The following SLC40A1 variants were observed in gnomAD, a reference collection of about 807,000 sequenced individuals.
The protein encoded by SLC40A1 is ferroportin.
SLC40A1 carries 16 observed loss-of-function variants against 53.5 expected under a neutral mutation model. That is an observed-to-expected ratio of 0.30 (90% CI 0.20 to 0.45). The LOEUF is 0.45. SLC40A1 is among the 20% of genes least tolerant of loss of function. The pLI is 1.00. For synonymous variants in SLC40A1, 247 were observed against 253.2 expected (o/e 0.98, Z 0.23); for missense variants, 545 against 695.4 (o/e 0.78, Z 2.43).
chr2:189,578,144 G>A, intron 2 of SLC40A1: 1 of 905,730 alleles, frequency 1.1e-6, no homozygotes, highest in East Asian at 1.2e-4. Flanking sequence ...ACATAATACA[G>A]AAACATAAAT....
intron 7 of SLC40A1, among the ~76,000 whole-genome samples, chr2:189,563,299 A>C (rs1296187309): frequency 2.6e-5 from 4 of 151,672 alleles, no homozygotes; most frequent in Non-Finnish European, 5.9e-5. Flanking sequence ...CAAAAAAAAA[A>C]ACAAGTAATA....
chr2:189,566,024 ATGTGTGTGTGTGTGTGCGTG>A (rs1051240349), intron 5 of SLC40A1, among the ~76,000 whole-genome samples: 2 of 151,316 alleles, frequency 1.3e-5, no homozygotes, highest in Non-Finnish European at 1.5e-5. Flanking sequence ...CAACAAGCAT[ATGTGTGTGTGTGTGTGCGTG>A]TGTGTGTGTG....
At chr2:189,574,329 A>G (rs1279984694) in intron 3 of SLC40A1, among the ~76,000 whole-genome samples, 5 of 152,192 alleles carry the variant, frequency 3.3e-5, no homozygotes, top group Non-Finnish European at 5.9e-5. Flanking sequence ...TGGTCTACTC[A>G]TTCTAAAAAC....
chr2:189,579,187 T>C (rs2031382635), intron 2 of SLC40A1, among the ~76,000 whole-genome samples: 1 of 152,216 alleles, frequency 6.6e-6, no homozygotes, highest in Non-Finnish European at 1.5e-5. Flanking sequence ...GAGGGAAAAC[T>C]GTAAATCCAT....
intron 5 of SLC40A1, 65 bp from the exon 6 acceptor site, chr2:189,565,664 C>T (rs2030918129): frequency 8.1e-6 from 13 of 1,600,430 alleles, no homozygotes; most frequent in African/African-American, 1.3e-5. Flanking sequence ...TGCCCATTTA[C>T]ACAATACAAA....
rs572511371 is a variant in SLC40A1, at chr2:189,579,246, A to T, written c.111+567T>A. On this transcript the variant is annotated intron_variant, in intron 2 of 7. Coordinates refer to ENST00000261024, the MANE Select transcript of SLC40A1 (RefSeq NM_014585.6). ...ATTTTAAGATAGCCTCCACTGCCCC[A>T]AACTTTATCTAACTATAGATAACAT... Among the ~76,000 whole-genome samples, 5 of 152,310 alleles carry T rather than the reference A, an allele frequency of 3.3e-5. No individual in the cohort carries two copies. In the South Asian group the frequency reaches 1.0e-3, roughly 32 times the overall value.
Position 189,561,828 on chromosome 2 carries a change from C to T in SLC40A1, c.*50G>A, listed in dbSNP as rs201805867. 7.2e-4 allele frequency: 1,062 copies of T among 1,471,416 alleles called. 1 individual carries two copies. Among genetic ancestry groups the T allele is most frequent in the Non-Finnish European group, 8.8e-4 (924 of 1,051,322 alleles). 91.1% of individuals were successfully genotyped at this position (1,471,416 alleles called of 1,614,324 possible). On this transcript the variant is annotated 3_prime_UTR_variant, in exon 8 of 8. Coordinates refer to ENST00000261024, the MANE Select transcript of SLC40A1 (RefSeq NM_014585.6). Reference sequence around the variant, plus strand: ...TTGGAATTCTGCAGTACAAAATAAGCACATGTGCTCTATATAATCTAGTAA... The same window carrying T: ...TTGGAATTCTGCAGTACAAAATAAGTACATGTGCTCTATATAATCTAGTAA...
At chr2:189,572,555 A>G (rs1022212415) in intron 4 of SLC40A1, 4 of 465,136 alleles carry the variant, frequency 8.6e-6, no homozygotes, top group South Asian at 4.8e-5. Context: ...TAGCACAAAC[A>G]AAGTATAGGT....
intron 6 of SLC40A1, 99 bp downstream of exon 6, chr2:189,565,255 G>T: frequency 6.8e-7 from 1 of 1,473,352 alleles, no homozygotes; most frequent in Non-Finnish European, 9.4e-7. Context: ...GCCCCCACTG[G>T]TAATAAAACC....
chr2:189,578,747 T>TATTTA (rs963216862), intron 2 of SLC40A1, among the ~76,000 whole-genome samples: 1 of 152,178 alleles, frequency 6.6e-6, no homozygotes, highest in Non-Finnish European at 1.5e-5. Context: ...ATTTGCAGAG[T>TATTTA]CACCCCTGTG....
intron 2 of SLC40A1, among the ~76,000 whole-genome samples, chr2:189,577,161 G>A (rs1170043140): frequency 6.6e-6 from 1 of 152,092 alleles, no homozygotes; most frequent in Non-Finnish European, 1.5e-5. Context: ...TACCCCCACG[G>A]GACTGAGAGC....
chr2:189,579,851 T>C lies in SLC40A1; in HGVS notation c.73A>G (p.Lys25Glu). 6.2e-7 allele frequency: 1 copy of C among 1,614,174 alleles called. No homozygotes were observed. The highest frequency in any genetic ancestry group is 8.5e-7 in the Non-Finnish European group (1 of 1,180,040). The change falls in exon 2 of 8, where the codon AAA (lysine) becomes GAA (glutamate). Residue 25 changes from lysine to glutamate, a missense_variant. This residue lies in a region of SLC40A1 where 197 missense variants were observed against 278.8 expected (regional missense o/e 0.71). Transcript: ENST00000261024. ...GSLADYLTSA[K>E]FLLYLGHSLS... ...GAATGACCAAGGTAGAGAAGGAATT[T>C]TGCAGAGGTCAGGTAGTCGGCCAAG...
intron 3 of SLC40A1, 83 bp downstream of exon 3, chr2:189,575,078 T>C (rs186504040): frequency 3.0e-5 from 44 of 1,482,152 alleles, no homozygotes; most frequent in East Asian, 2.7e-4. Flanking sequence ...GTTTCTCTCC[T>C]AGTTTGTTGT....
In SLC40A1 at chr2:189,579,843, A is replaced by T; in HGVS notation, c.81T>A (p.Leu27=). 2 of 1,614,196 alleles carry T rather than the reference A, an allele frequency of 1.2e-6. No individual in the cohort carries two copies. Among genetic ancestry groups the T allele is most frequent in the Non-Finnish European group, 1.7e-6 (2 of 1,180,032 alleles). ...LADYLTSAKF[L]LYLGHSLSTW... ...TAGAGAGAGAATGACCAAGGTAGAG[A>T]AGGAATTTTGCAGAGGTCAGGTAGT... Residue 27 remains leucine, a synonymous_variant, in exon 2 of 8, where the codon CTT becomes CTA. Transcript: ENST00000261024.
intron 5 of SLC40A1, among the ~76,000 whole-genome samples, chr2:189,567,864 A>G (rs762169429): frequency 5.9e-5 from 9 of 152,304 alleles, no homozygotes; most frequent in Non-Finnish European, 1.2e-4. Context: ...GCCTCCCACT[A>G]ACTAATAAGT....
chr2:189,576,752 T>C (rs946595033), intron 2 of SLC40A1, among the ~76,000 whole-genome samples: 6 of 152,206 alleles, frequency 3.9e-5, no homozygotes, highest in Non-Finnish European at 5.9e-5. Context: ...AAATGATAGG[T>C]TGCCTCTGTC....
At chr2:189,578,240 T>C (rs2031352655) in intron 2 of SLC40A1, 1 of 997,674 alleles carries the variant, frequency 1.0e-6, no homozygotes, top group African/African-American at 1.7e-5. Context: ...GACATTCCTC[T>C]TTTGCACTCC....
chr2:189,572,374 C>T (rs1261082767), intron 4 of SLC40A1: 1 of 231,540 alleles, frequency 4.3e-6, no homozygotes, highest in Non-Finnish European at 8.6e-6. Context: ...CAATATGACA[C>T]CAGATGCATG....
In SLC40A1 at chr2:189,575,141, A is replaced by C; in HGVS notation, c.271+20T>G. The C allele has an allele frequency of 6.2e-7, 1 of 1,613,672 alleles. No individual in the cohort carries two copies. Among genetic ancestry groups the C allele is most frequent in the African/African-American group, 1.3e-5 (1 of 74,994 alleles). On this transcript the variant is annotated intron_variant, in intron 3 of 7. Transcript: ENST00000261024. ...ATTGGTCCCATGAATAAAAGGGCTT[A>C]ATTATATAACAACACTCACCTTTAA...
Sources: allele counts gnomAD v4.1 joint callset (sites outside exome capture counted in the v4.1 genomes callset), GRCh38; gene constraint gnomAD v4.1.1; regional missense constraint gnomAD v4.1.1; transcripts MANE v1.5; gene names NCBI Gene and HGNC (gene_info 2026-07-23, HGNC 2026-07-21).